The following BTBD16 variants were observed in gnomAD, a reference collection of about 807,000 sequenced individuals.
The protein encoded by BTBD16 is BTB/POZ domain-containing protein 16.
Under a neutral mutation model 67.4 loss-of-function variants are expected in BTBD16, and 66 were observed. The ratio of observed to expected loss-of-function variants is 0.98; its 90% CI spans 0.80 to 1.20. The LOEUF (loss-of-function observed/expected upper bound fraction) is 1.20. BTBD16 is among the 50% of genes most tolerant of loss of function. BTBD16 has a pLI of 0.00. For synonymous variants in BTBD16, 242 were observed against 236.4 expected (o/e 1.02, Z -0.22); for missense variants, 634 against 616.0 (o/e 1.03, Z -0.31).
chr10:122,315,679 A>G (rs993032007), intron 10 of BTBD16, among the ~76,000 whole-genome samples: 1 of 152,168 alleles, frequency 6.6e-6, no homozygotes, highest in South Asian at 2.1e-4. Context: ...AATGTTCTTT[A>G]TATATAGTAT....
chr10:122,289,847 T>A, intron 5 of BTBD16, 62 bp from the exon 6 acceptor site: 1 of 1,254,116 alleles, frequency 8.0e-7, no homozygotes. Flanking sequence ...GGTGGGTGCC[T>A]CCCACTGTGT....
Position 122,287,325 on chromosome 10 carries a change from G to A in BTBD16, c.385+1077G>A, listed in dbSNP as rs983362885. 1.7e-5 allele frequency: 11 copies of A among 658,722 alleles called. No individual in the cohort carries two copies. In the East Asian group the frequency reaches 1.2e-3, roughly 74 times the overall value. The allele number at this position is 658,722 out of a possible 1,614,324, so 40.8% of individuals were successfully genotyped here. ...AAGGCTCTGGTGAGCCAGACAGTGA[G>A]TTCATGGAAAAGCAGGAGAATTTGG... On this transcript the variant is annotated intron_variant, in intron 5 of 15. Coordinates refer to ENST00000260723, the MANE Select transcript of BTBD16 (RefSeq NM_144587.5).
At chr10:122,300,500 T>G (rs1211749698) in intron 9 of BTBD16, among the ~76,000 whole-genome samples, 1 of 152,186 alleles carries the variant, frequency 6.6e-6, no homozygotes, top group African/African-American at 2.4e-5. Flanking sequence ...TTCTGAACTA[T>G]TAATATTAGG....
intron 3 of BTBD16, among the ~76,000 whole-genome samples, chr10:122,277,836 A>G (rs1303096198): frequency 6.6e-6 from 1 of 152,208 alleles, no homozygotes; most frequent in Non-Finnish European, 1.5e-5. Context: ...TTTGGAGGAA[A>G]CAAACATGTA....
intron 10 of BTBD16, among the ~76,000 whole-genome samples, chr10:122,314,381 G>T (rs943049481): frequency 6.6e-6 from 1 of 152,172 alleles, no homozygotes; most frequent in African/African-American, 2.4e-5. Flanking sequence ...GCACACTCCT[G>T]TAGTCCCAAC....
intron 2 of BTBD16, among the ~76,000 whole-genome samples, chr10:122,276,134 C>T (rs1310079163): frequency 1.3e-5 from 2 of 152,154 alleles, no homozygotes; most frequent in African/African-American, 4.8e-5. Context: ...GTATGCAATA[C>T]CCAGAACAGG....
chr10:122,298,525 C>T (rs962597925), intron 8 of BTBD16, among the ~76,000 whole-genome samples: 4 of 152,206 alleles, frequency 2.6e-5, no homozygotes, highest in Non-Finnish European at 4.4e-5. Context: ...GGCTCTAAGA[C>T]GCCTTTTCCA....
At chr10:122,325,149 G>A (rs915014709) in intron 10 of BTBD16, among the ~76,000 whole-genome samples, 5 of 152,212 alleles carry the variant, frequency 3.3e-5, no homozygotes, top group African/African-American at 4.8e-5. Flanking sequence ...GGCCCTACTG[G>A]CCTAGAAGAT....
Position 122,289,989 on chromosome 10 carries a change from A to G in BTBD16, c.466A>G (p.Thr156Ala), listed in dbSNP as rs1314329136. The change falls in exon 6 of 16, where the codon ACT becomes GCT. Residue 156 changes from threonine to alanine, a missense_variant. Transcript: ENST00000260723. ...CTTGAAGATCAATGACCCACTGGTC[A>G]CTAAAGTCGGTATGTATATACCCGT... ...ISLKINDPLV[T>A]KVAFATALKN... The G allele has an allele frequency of 1.9e-6, 3 of 1,610,660 alleles. No individual in the cohort carries two copies. In the Admixed American group the frequency reaches 5.0e-5, roughly 27 times the overall value.
At chr10:122,294,452 A>T (rs561705271) in intron 7 of BTBD16, among the ~76,000 whole-genome samples, 34 of 152,144 alleles carry the variant, frequency 2.2e-4, no homozygotes, top group African/African-American at 8.2e-4. Flanking sequence ...TGTTCCTTTG[A>T]CTCTCATGTC....
At chr10:122,323,837 TG>T (rs969419830) in intron 10 of BTBD16, among the ~76,000 whole-genome samples, 4 of 152,210 alleles carry the variant, frequency 2.6e-5, no homozygotes, top group African/African-American at 9.7e-5. Context: ...TGCAAATTGA[TG>T]GTGGTCCTGG....
chr10:122,330,626 G>A (rs2096453607), intron 11 of BTBD16, among the ~76,000 whole-genome samples: 1 of 152,060 alleles, frequency 6.6e-6, no homozygotes, highest in Non-Finnish European at 1.5e-5. Context: ...ATGTAGTATA[G>A]ACATTTTTTT....
At chr10:122,304,705 C>T (rs2096400343) in intron 9 of BTBD16, among the ~76,000 whole-genome samples, 2 of 151,968 alleles carry the variant, frequency 1.3e-5, no homozygotes, top group Admixed American at 1.3e-4. Flanking sequence ...AGGCGCCTGC[C>T]ACCATGCCCG....
At chr10:122,303,937 G>C (rs2421012) in intron 9 of BTBD16, among the ~76,000 whole-genome samples, 87,305 of 152,052 alleles carry the variant, frequency 0.57, 26,120 homozygotes, top group East Asian at 0.91. Flanking sequence ...TAATAATTAT[G>C]CTTCATAAAT....
intron 1 of BTBD16, among the ~76,000 whole-genome samples, chr10:122,274,533 T>C (rs2096336208): frequency 6.6e-6 from 1 of 152,182 alleles, no homozygotes; most frequent in East Asian, 1.9e-4. Context: ...TTTCTGTTGC[T>C]TGTAACCCAA....
At chr10:122,308,660 A>G (rs2096407927) in intron 10 of BTBD16, among the ~76,000 whole-genome samples, 1 of 152,026 alleles carries the variant, frequency 6.6e-6, no homozygotes, top group African/African-American at 2.4e-5. Flanking sequence ...TTTGGGTCAG[A>G]CTGGGAGAAA....
intron 10 of BTBD16, 131 bp downstream of exon 10, chr10:122,307,439 T>G: frequency 1.1e-6 from 1 of 882,656 alleles, no homozygotes; most frequent in Non-Finnish European, 1.6e-6. Context: ...ACTGTTTTTT[T>G]AATAGGGCCT....
intron 9 of BTBD16, among the ~76,000 whole-genome samples, chr10:122,300,058 TG>T: frequency 6.6e-6 from 1 of 152,212 alleles, no homozygotes; most frequent in African/African-American, 2.4e-5. Context: ...TTCATGGAGA[TG>T]TTTCCCAATG....
chr10:122,275,490 T>C (rs1041658365), intron 2 of BTBD16, among the ~76,000 whole-genome samples: 10 of 152,190 alleles, frequency 6.6e-5, no homozygotes, highest in African/African-American at 2.4e-4. Flanking sequence ...TCACTGTCGT[T>C]GTCACGATAA....
Sources: allele counts gnomAD v4.1 joint callset (sites outside exome capture counted in the v4.1 genomes callset), GRCh38; gene constraint gnomAD v4.1.1; transcripts MANE v1.5; gene names NCBI Gene and HGNC (gene_info 2026-07-23, HGNC 2026-07-21).